Variants in DNAAF9 observed in about 807,000 individuals in gnomAD.
The protein encoded by DNAAF9 is shulin.
A neutral mutation model predicts 167.0 loss-of-function variants in DNAAF9; 90 were observed. The ratio of observed to expected loss-of-function variants is 0.54; its 90% CI spans 0.45 to 0.64. The LOEUF (loss-of-function observed/expected upper bound fraction) is 0.64, where lower values mean the gene tolerates loss of function less well. Ranked by LOEUF, DNAAF9 falls within the 30% of genes least tolerant of loss-of-function variation. The pLI, the probability that DNAAF9 is intolerant of heterozygous loss-of-function variation, is 0.00. For synonymous variants in DNAAF9, 491 were observed against 508.8 expected (o/e 0.96, Z 0.47); for missense variants, 1,315 against 1,442.2 (o/e 0.91, Z 1.43).
rs2068174113 is a variant in DNAAF9 at position 3,250,030 on chromosome 20, A to T, written c.*2542T>A. The T allele has an allele frequency of 2.0e-5, 3 of 152,210 alleles. No individual in the cohort carries two copies. Among genetic ancestry groups the T allele is most frequent in the Admixed American group, 6.5e-5 (1 of 15,282 alleles). 9.4% of individuals were successfully genotyped at this position (152,210 alleles called of 1,614,324 possible). On this transcript the variant is annotated 3_prime_UTR_variant, in exon 37 of 37. Coordinates refer to ENST00000252032, the MANE Select transcript of DNAAF9 (RefSeq NM_001009984.3). ...AATAACCCGTAACTTCAGCGACTTC[A>T]ACATTATCCCACGCACTCTGGGTGA...
At chr20:3,322,443 T>C (rs111764475) in intron 15 of DNAAF9, among the ~76,000 whole-genome samples, 181 bp from the exon 16 acceptor site, 6,726 of 152,210 alleles carry the variant, frequency 0.044, 221 homozygotes, top group African/African-American at 0.094. Flanking sequence ...GGTGAGTATG[T>C]CCATCCCCAC....
chr20:3,399,242 G>A (rs2083950574), intron 1 of DNAAF9, among the ~76,000 whole-genome samples: 1 of 151,618 alleles, frequency 6.6e-6, no homozygotes, highest in Admixed American at 6.6e-5. Context: ...TTTTTGAGAT[G>A]GAGTCTCACT....
At chr20:3,294,063 G>T in intron 25 of DNAAF9, 76 bp downstream of exon 25, 1 of 827,854 alleles carries the variant, frequency 1.2e-6, no homozygotes, top group Non-Finnish European at 2.1e-6. Flanking sequence ...TTTGTTAACT[G>T]ACACAAAAGA....
chr20:3,263,425 T>C (rs1259823618), intron 31 of DNAAF9, among the ~76,000 whole-genome samples: 1 of 152,198 alleles, frequency 6.6e-6, no homozygotes, highest in African/African-American at 2.4e-5. Context: ...TGTCTTCCCC[T>C]AAACCTTCAA....
chr20:3,387,521 T>C (rs1223522903), intron 1 of DNAAF9, among the ~76,000 whole-genome samples: 1 of 152,096 alleles, frequency 6.6e-6, no homozygotes. Flanking sequence ...AACATAAACA[T>C]AAAACTATAA....
At chr20:3,277,577 A>T (rs1367087124) in intron 29 of DNAAF9, among the ~76,000 whole-genome samples, 6 of 151,812 alleles carry the variant, frequency 4.0e-5, no homozygotes, top group Admixed American at 2.0e-4. Flanking sequence ...TAATCTCCTA[A>T]GCTAGAAACC....
rs1018110870 is a variant in DNAAF9, at chr20:3,307,152, C to A, written c.1679-2609G>T. 5 of 984,866 alleles carry A rather than the reference C, an allele frequency of 5.1e-6. No individual in the cohort carries two copies. The African/African-American group carries it at 8.7e-5, about 17-fold the overall frequency. The allele number at this position is 984,866 out of a possible 1,614,324, so 61.0% of individuals were successfully genotyped here. On this transcript the variant is annotated intron_variant, in intron 20 of 36. Transcript: ENST00000252032. ...GAAGATGGGAAAGGATGAGCGAGGT[C>A]ATCTCCAGCATTTCCTCTCCCACTA...
chr20:3,272,298 C>T (rs939754046), intron 29 of DNAAF9, among the ~76,000 whole-genome samples: 1 of 152,166 alleles, frequency 6.6e-6, no homozygotes, highest in Admixed American at 6.5e-5. Flanking sequence ...TTCAGTGGCT[C>T]ACTGAAGCAT....
intron 29 of DNAAF9, among the ~76,000 whole-genome samples, chr20:3,273,972 TAATTTTGGTAAAGCTTACATCTTCCTTCA>T (rs1336168206): frequency 6.6e-6 from 1 of 152,164 alleles, no homozygotes; most frequent in African/African-American, 2.4e-5. Flanking sequence ...CTTTACTTTT[TAATTTTGGTAAAGCTTACATCTTCCTTCA>T]AATCTTTCTT....
intron 27 of DNAAF9, 42 bp from the exon 28 acceptor site, chr20:3,281,808 A>G: frequency 6.3e-7 from 1 of 1,583,972 alleles, no homozygotes; most frequent in Non-Finnish European, 8.6e-7. Flanking sequence ...ACTGACTGGC[A>G]TTGCAAAGTG....
chr20:3,260,261 C>A (rs2068358960), intron 31 of DNAAF9, among the ~76,000 whole-genome samples: 1 of 152,024 alleles, frequency 6.6e-6, no homozygotes, highest in Non-Finnish European at 1.5e-5. Context: ...ATGGCGTGAA[C>A]CCGGGAAGCG....
intron 3 of DNAAF9, among the ~76,000 whole-genome samples, chr20:3,380,997 G>C (rs1046739888): frequency 1.3e-5 from 2 of 152,314 alleles, no homozygotes; most frequent in South Asian, 4.1e-4. Flanking sequence ...CTTCCTTGTA[G>C]GAGCTGCCTG....
At chr20:3,346,732 A>G (rs1012828485) in intron 8 of DNAAF9, among the ~76,000 whole-genome samples, 2 of 152,182 alleles carry the variant, frequency 1.3e-5, no homozygotes, top group African/African-American at 2.4e-5. Flanking sequence ...GGTGGAAAGA[A>G]GAAGGCAATA....
In DNAAF9 at chr20:3,270,655, A is replaced by G; in HGVS notation, c.2651-93T>C. On this transcript the variant is annotated intron_variant, in intron 29 of 36. Coordinates refer to ENST00000252032, the MANE Select transcript of DNAAF9 (RefSeq NM_001009984.3). ...TGAGCCCTTGCTCCATCCCCTAATC[A>G]TGCCTTCCAGTAGTCTCCTGATGGA... 5 of 1,093,886 alleles carry G rather than the reference A, an allele frequency of 4.6e-6. No individual in the cohort carries two copies. In the South Asian group the frequency reaches 6.7e-5, roughly 15 times the overall value. The allele number at this position is 1,093,886 out of a possible 1,614,324, so 67.8% of individuals were successfully genotyped here. A position where few individuals can be genotyped will look rare whatever the true frequency, so the allele number is the denominator to read the frequency against.
intron 12 of DNAAF9, among the ~76,000 whole-genome samples, chr20:3,327,784 T>C (rs532137629): frequency 2.6e-5 from 4 of 152,288 alleles, no homozygotes; most frequent in African/African-American, 9.6e-5. Context: ...CACATCACAT[T>C]GCCACCTCCT....
chr20:3,399,788 A>C (rs1044580903), intron 1 of DNAAF9, among the ~76,000 whole-genome samples: 1 of 152,150 alleles, frequency 6.6e-6, no homozygotes, highest in African/African-American at 2.4e-5. Flanking sequence ...ACAAACACAG[A>C]AGAGGCCTGG....
intron 6 of DNAAF9, among the ~76,000 whole-genome samples, chr20:3,368,223 T>C (rs1025812058): frequency 6.6e-6 from 1 of 152,154 alleles, no homozygotes; most frequent in African/African-American, 2.4e-5. Flanking sequence ...CTGCATCTCC[T>C]AACTCAGGGA....
At chr20:3,398,522 G>A (rs2083941416) in intron 1 of DNAAF9, among the ~76,000 whole-genome samples, 1 of 151,946 alleles carries the variant, frequency 6.6e-6, no homozygotes, top group Non-Finnish European at 1.5e-5. Context: ...AAAAAAAATT[G>A]GATGGATAGA....
At chr20:3,384,211 T>C (rs1192615291) in intron 1 of DNAAF9, 2 of 152,202 alleles carry the variant, frequency 1.3e-5, no homozygotes, top group African/African-American at 2.4e-5. Flanking sequence ...ATATCAAAAC[T>C]AGACAAAGAT....
Sources: allele counts gnomAD v4.1 joint callset (sites outside exome capture counted in the v4.1 genomes callset), GRCh38; gene constraint gnomAD v4.1.1; transcripts MANE v1.5; gene names NCBI Gene and HGNC (gene_info 2026-07-23, HGNC 2026-07-21).